SEC13: variants seen among roughly 807,000 people sequenced by gnomAD.
The protein encoded by SEC13 is protein SEC13 homolog.
A neutral mutation model predicts 49.2 loss-of-function variants in SEC13; 25 were observed. The observed-to-expected ratio is 0.51, with a 90% CI of 0.37 to 0.71. The LOEUF (loss-of-function observed/expected upper bound fraction) is 0.71. Among genes scored for constraint, SEC13 ranks in the 30% least tolerant of loss-of-function variants. SEC13 has a pLI of 0.00. For missense variants in SEC13, 383 were observed against 417.6 expected, an observed-to-expected ratio of 0.92 and a Z score of 0.72; for synonymous variants, 148 against 163.9, an observed-to-expected ratio of 0.90 and a Z score of 0.74.
intron 5 of SEC13, chr3:10,311,744 G>A: frequency 8.6e-6 from 12 of 1,399,142 alleles, no homozygotes; most frequent in Non-Finnish European, 1.0e-5. Context: ...GCCCTCCCCT[G>A]CTTGGGAGCA....
At chr3:10,314,065 A>C (rs1210404782) in intron 3 of SEC13, 1 of 152,304 alleles carries the variant, frequency 6.6e-6, no homozygotes, top group Non-Finnish European at 1.5e-5. Context: ...CTAATGTACA[A>C]AACACACAGA....
chr3:10,313,804 C>T (rs929599781), intron 3 of SEC13: 2 of 170,654 alleles, frequency 1.2e-5, no homozygotes, highest in Non-Finnish European at 2.6e-5. Context: ...ACTGCCTTGG[C>T]CAACACGCTG....
intron 5 of SEC13, among the ~76,000 whole-genome samples, chr3:10,307,064 T>TA (rs398105593): frequency 1.6e-4 from 24 of 151,546 alleles, no homozygotes; most frequent in East Asian, 1.4e-3. Flanking sequence ...TTTTTTTTTT[T>TA]AAAAATTGAG....
intron 2 of SEC13, among the ~76,000 whole-genome samples, chr3:10,317,575 T>G (rs540111755): frequency 1.3e-5 from 2 of 152,142 alleles, no homozygotes; most frequent in Non-Finnish European, 2.9e-5. Flanking sequence ...TCTGGCCTAT[T>G]GTCTTGGTGG....
intron 1 of SEC13, among the ~76,000 whole-genome samples, chr3:10,318,804 T>C (rs2059709348): frequency 6.6e-6 from 1 of 152,204 alleles, no homozygotes; most frequent in Admixed American, 6.5e-5. Flanking sequence ...GGGCCATCCA[T>C]CACCTTTCTT....
intron 5 of SEC13, 162 bp downstream of exon 5, chr3:10,311,803 G>T (rs911547408): frequency 3.4e-6 from 5 of 1,491,940 alleles, no homozygotes; most frequent in Admixed American, 4.2e-5. Context: ...CTTCAGGGCA[G>T]AGAGGCTCAA....
At chr3:10,308,480 A>AGTC (rs150352222) in intron 5 of SEC13, among the ~76,000 whole-genome samples, 2,725 of 152,298 alleles carry the variant, frequency 0.018, 40 homozygotes, top group Non-Finnish European at 0.029. Context: ...CTGTTGATGG[A>AGTC]CATGTGGACT....
At chr3:10,313,296 C>T (rs1701398803) in intron 3 of SEC13, 3 of 373,362 alleles carry the variant, frequency 8.0e-6, no homozygotes, top group South Asian at 4.3e-5. Flanking sequence ...TGTACGGTGA[C>T]CATTTCTCTG....
At chr3:10,307,674 T>C (rs180952862) in intron 5 of SEC13, among the ~76,000 whole-genome samples, 1 of 152,306 alleles carries the variant, frequency 6.6e-6, no homozygotes. Context: ...CCTCCTCCCA[T>C]GACTCAACTC....
chr3:10,314,059 T>C (rs765312122), intron 3 of SEC13: 8 of 152,300 alleles, frequency 5.3e-5, no homozygotes, highest in Admixed American at 4.6e-4. Context: ...ATCAGACTAA[T>C]GTACAAAACA....
chr3:10,304,315 C>T (rs376330480), intron 7 of SEC13, 143 bp from the exon 8 acceptor site: 12 of 714,956 alleles, frequency 1.7e-5, no homozygotes, highest in South Asian at 3.5e-5. Context: ...ACCTCTGGGG[C>T]GTCCACAGCT....
At chr3:10,303,764 T>TG in intron 8 of SEC13, 3 of 515,364 alleles carry the variant, frequency 5.8e-6, no homozygotes, top group Non-Finnish European at 3.6e-6. Context: ...TGACTGGCTC[T>TG]GCCACCTCAT....
chr3:10,301,708 A>C (rs577992357), intron 8 of SEC13, among the ~76,000 whole-genome samples: 2 of 152,330 alleles, frequency 1.3e-5, no homozygotes, highest in East Asian at 3.9e-4. Flanking sequence ...AGCATCGGTC[A>C]CCTGGGAGCT....
Position 10,304,177 on chromosome 3 carries a change from G to T in SEC13, c.709-5C>A. On this transcript the variant is annotated splice_region_variant and splice_polypyrimidine_tract_variant and intron_variant, in intron 7 of 8. Transcript: ENST00000350697. Reference sequence around the variant, plus strand: ...CCAAATGAACACACGACCATCCTAGGAAGAAACAGGATAGAGTCAGGAGGT... The same window carrying T: ...CCAAATGAACACACGACCATCCTAGTAAGAAACAGGATAGAGTCAGGAGGT... 1.9e-6 allele frequency: 3 copies of T among 1,613,850 alleles called. No homozygotes were observed. The highest frequency in any genetic ancestry group is 1.7e-5 in the Admixed American group (1 of 60,008).
chr3:10,301,325 T>A lies in SEC13; in HGVS notation c.905A>T (p.Asp302Val). The change falls in exon 9 of 9, where the codon GAT becomes GTT. Residue 302 changes from aspartate to valine, a missense_variant. By Grantham distance (152) the Asp-to-Val change is radical. Coordinates refer to ENST00000350697, the MANE Select transcript of SEC13 (RefSeq NM_183352.3). Reference sequence around the variant, plus strand: ...TACGGAGCCCTGGCCCTTGTTGACATCACTGATGCACACCCACTGCCCATC... The same window carrying A: ...TACGGAGCCCTGGCCCTTGTTGACAACACTGATGCACACCCACTGCCCATC... ...SVDGQWVCIS[D>V]VNKGQGSVSA... The A allele has an allele frequency of 6.2e-7, 1 of 1,614,132 alleles. No individual in the cohort carries two copies. The highest frequency in any genetic ancestry group is 8.5e-7 in the Non-Finnish European group (1 of 1,180,026).
intron 5 of SEC13, among the ~76,000 whole-genome samples, chr3:10,310,368 G>GT (rs1172065570): frequency 6.6e-6 from 1 of 152,096 alleles, no homozygotes; most frequent in Non-Finnish European, 1.5e-5. Flanking sequence ...GCGTGTGCCT[G>GT]TAATTCCAGC....
chr3:10,308,626 T>C (rs1701037453), intron 5 of SEC13, among the ~76,000 whole-genome samples: 1 of 152,110 alleles, frequency 6.6e-6, no homozygotes, highest in Non-Finnish European at 1.5e-5. Flanking sequence ...CATGTTATTC[T>C]TTTTTCTTCT....
chr3:10,318,020 C>A, intron 2 of SEC13, 30 bp downstream of exon 2: 1 of 1,535,402 alleles, frequency 6.5e-7, no homozygotes, highest in South Asian at 1.1e-5. Flanking sequence ...ATGTCCACAC[C>A]CCTCCAGGGA....
At chr3:10,304,217 T>TA (rs2125244607) in intron 7 of SEC13, 45 bp from the exon 8 acceptor site, 1 of 1,600,808 alleles carries the variant, frequency 6.2e-7, no homozygotes, top group East Asian at 2.2e-5. Context: ...TCAAGACTCC[T>TA]GCGTTTGTGA....
Sources: gnomAD v4.1 joint callset for allele counts (sites outside exome capture counted in the v4.1 genomes callset) on GRCh38, gnomAD v4.1.1 for gene constraint, MANE v1.5 for transcripts, NCBI Gene and HGNC (gene_info 2026-07-23, HGNC 2026-07-21) for gene names.